HPSE2: variants seen among roughly 807,000 people sequenced by gnomAD.
HPSE2 encodes inactive heparanase-2.
A neutral mutation model predicts 60.5 loss-of-function variants in HPSE2; 38 were observed. The observed-to-expected ratio is 0.63, with a 90% confidence interval of 0.48 to 0.82. The LOEUF (loss-of-function observed/expected upper bound fraction) is 0.82, where lower values mean the gene tolerates loss of function less well. Among genes scored for constraint, HPSE2 ranks in the 40% least tolerant of loss-of-function variants. The pLI, the probability that HPSE2 is intolerant of heterozygous loss-of-function variation, is 0.00. For synonymous variants in HPSE2, 295 were observed against 293.2 expected, an observed-to-expected ratio of 1.01 and a Z score of -0.06; for missense variants, 713 against 740.4, an observed-to-expected ratio of 0.96 and a Z score of 0.43.
chr10:98,533,104 A>G (rs1943180124), intron 9 of HPSE2, among the ~76,000 whole-genome samples: 1 of 152,186 alleles, frequency 6.6e-6, no homozygotes, highest in Non-Finnish European at 1.5e-5. Flanking sequence ...CCAATGTTCT[A>G]TGAGTCTGTG....
chr10:99,045,443 A>G (rs1169243622), intron 3 of HPSE2, among the ~76,000 whole-genome samples: 1 of 152,140 alleles, frequency 6.6e-6, no homozygotes, highest in Admixed American at 6.5e-5. Context: ...AAGAAAAAAG[A>G]ACAAACCAAC....
At chr10:99,079,541 G>A (rs78003428) in intron 3 of HPSE2, among the ~76,000 whole-genome samples, 1 of 152,142 alleles carries the variant, frequency 6.6e-6, no homozygotes, top group African/African-American at 2.4e-5. Context: ...ACTCTGTGCT[G>A]AGCTGGGATT....
intron 3 of HPSE2, among the ~76,000 whole-genome samples, chr10:98,764,713 C>T (rs1236080338): frequency 2.0e-5 from 3 of 151,860 alleles, no homozygotes; most frequent in Non-Finnish European, 2.9e-5. Context: ...AAAAATTAGC[C>T]GGGTGTGGTG....
chr10:98,575,975 G>A (rs1944629021), intron 9 of HPSE2, among the ~76,000 whole-genome samples: 2 of 152,212 alleles, frequency 1.3e-5, no homozygotes, highest in East Asian at 1.9e-4. Flanking sequence ...TTCATAAGCT[G>A]ATACTTATAA....
At chr10:99,258,343 T>C in the HPSE2 span, among the ~76,000 whole-genome samples, 1 of 151,920 alleles carries the variant, frequency 6.6e-6, no homozygotes, top group African/African-American at 2.4e-5. Context: ...ACCTGAAAAC[T>C]ATAAAACATT....
chr10:99,003,729 T>C (rs895169237), intron 3 of HPSE2, among the ~76,000 whole-genome samples: 1 of 152,174 alleles, frequency 6.6e-6, no homozygotes, highest in Non-Finnish European at 1.5e-5. Flanking sequence ...TATGAACCCT[T>C]TACCAGATGG....
chr10:98,598,153 C>T (rs2133934776), intron 9 of HPSE2, among the ~76,000 whole-genome samples: 1 of 151,276 alleles, frequency 6.6e-6, no homozygotes, highest in Non-Finnish European at 1.5e-5. Flanking sequence ...TATATGTTAC[C>T]TGTTGCCTTA....
At chr10:99,314,885 G>A in the HPSE2 span, among the ~76,000 whole-genome samples, 1 of 152,094 alleles carries the variant, frequency 6.6e-6, no homozygotes, top group African/African-American at 2.4e-5. Flanking sequence ...TTAAAATTAC[G>A]TTTAATTATC....
chr10:98,904,895 T>C (rs1289684332), intron 3 of HPSE2, among the ~76,000 whole-genome samples: 1 of 152,224 alleles, frequency 6.6e-6, no homozygotes, highest in Non-Finnish European at 1.5e-5. Context: ...CAGTGTAATA[T>C]ACCAGAGTGA....
chr10:98,661,083 C>A (rs1207424507), intron 6 of HPSE2, among the ~76,000 whole-genome samples: 1 of 152,030 alleles, frequency 6.6e-6, no homozygotes, highest in Non-Finnish European at 1.5e-5. Flanking sequence ...GGTGTATGAG[C>A]CTGTTTGGCA....
At chr10:99,272,206 G>T in the HPSE2 span, among the ~76,000 whole-genome samples, 1 of 149,474 alleles carries the variant, frequency 6.7e-6, no homozygotes, top group African/African-American at 2.5e-5. Flanking sequence ...GGAGGTAGAG[G>T]TTGCAGTGAG....
the HPSE2 span, among the ~76,000 whole-genome samples, chr10:99,242,277 TTATGTGTAA>T: frequency 6.6e-6 from 1 of 152,208 alleles, no homozygotes; most frequent in South Asian, 2.1e-4. Flanking sequence ...CTGAGAATTT[TTATGTGTAA>T]TATCCCTGGG....
chr10:98,492,650 C>T (rs1941696683), intron 9 of HPSE2, among the ~76,000 whole-genome samples: 1 of 151,966 alleles, frequency 6.6e-6, no homozygotes, highest in Non-Finnish European at 1.5e-5. Context: ...AACTTGAAAC[C>T]TGTCTGCTTT....
chr10:99,233,107 T>A (rs558983828), intron 1 of HPSE2, among the ~76,000 whole-genome samples: 1 of 152,240 alleles, frequency 6.6e-6, no homozygotes, highest in Non-Finnish European at 1.5e-5. Flanking sequence ...CCTTTTTCAC[T>A]ATATTGTAAA....
intron 9 of HPSE2, among the ~76,000 whole-genome samples, chr10:98,586,263 T>G (rs1589457644): frequency 6.6e-6 from 1 of 152,314 alleles, no homozygotes; most frequent in South Asian, 2.1e-4. Context: ...TTTGACATAT[T>G]TCTGAGTTTA....
chr10:98,579,943 G>T (rs764560368), intron 9 of HPSE2, among the ~76,000 whole-genome samples: 12 of 152,102 alleles, frequency 7.9e-5, no homozygotes, highest in Non-Finnish European at 1.3e-4. Context: ...CTCCAATCTG[G>T]ACTATCTGCA....
chr10:98,881,921 C>T (rs1953035565), intron 3 of HPSE2, among the ~76,000 whole-genome samples: 1 of 152,042 alleles, frequency 6.6e-6, no homozygotes, highest in Non-Finnish European at 1.5e-5. Context: ...TTTTCCACCC[C>T]ATTTGATGTT....
intron 3 of HPSE2, among the ~76,000 whole-genome samples, chr10:98,854,148 CTCTTTT>C (rs1188231643): frequency 6.6e-6 from 1 of 152,108 alleles, no homozygotes; most frequent in Non-Finnish European, 1.5e-5. Context: ...ATGGCCTCTG[CTCTTTT>C]TCTTAATTTC....
intron 9 of HPSE2, among the ~76,000 whole-genome samples, chr10:98,610,352 T>G (rs1251009628): frequency 6.6e-6 from 1 of 152,218 alleles, no homozygotes; most frequent in Non-Finnish European, 1.5e-5. Flanking sequence ...TCAACTGTGC[T>G]AGGCAGGCAC....
Sources: allele counts gnomAD v4.1 joint callset (sites outside exome capture counted in the v4.1 genomes callset), GRCh38; gene constraint gnomAD v4.1.1; transcripts MANE v1.5; gene names NCBI Gene and HGNC (gene_info 2026-07-23, HGNC 2026-07-21).